BRAF: variants seen among roughly 807,000 people sequenced by gnomAD.
BRAF encodes the protein serine/threonine-protein kinase B-raf.
Under a neutral mutation model 104.6 loss-of-function variants are expected in BRAF, and 16 were observed. The ratio of observed to expected loss-of-function variants is 0.15; its 90% confidence interval spans 0.10 to 0.23. BRAF has a LOEUF of 0.23. Among genes scored for constraint, BRAF ranks in the 10% least tolerant of loss-of-function variants. The probability of loss-of-function intolerance (pLI) is 1.00; values close to 1 mark genes in which losing one functional copy is unlikely to be tolerated. For missense variants in BRAF, 541 were observed against 937.3 expected, an observed-to-expected ratio of 0.58 and a Z score of 5.52; for synonymous variants, 310 against 341.6, an observed-to-expected ratio of 0.91 and a Z score of 1.02.
At chr7:140,809,136 TAATA>T in intron 3 of BRAF, 141 bp from the exon 4 acceptor site, 1 of 657,240 alleles carries the variant, frequency 1.5e-6, no homozygotes, top group Non-Finnish European at 2.7e-6. Flanking sequence ...ACAGCTAACT[TAATA>T]CTAAAGGGAA....
In BRAF at chr7:140,719,364, GT is replaced by G; in HGVS notation, c.*7129del. ...CATGCAGTCAATCTTTATTATAGCA[GT>G]ATTCGCATATTCACATCAAGTACAT... On this transcript the variant is annotated 3_prime_UTR_variant, in exon 20 of 20. Transcript: ENST00000644969. The G allele has an allele frequency of 2.0e-6, 2 of 999,632 alleles. No homozygotes were observed. The highest frequency in any genetic ancestry group is 1.3e-4 in the East Asian group (2 of 15,234). The allele number at this position is 999,632 out of a possible 1,614,324, so 61.9% of individuals were successfully genotyped here.
At chr7:140,796,160 G>C (rs1802469249) in intron 7 of BRAF, among the ~76,000 whole-genome samples, 1 of 151,970 alleles carries the variant, frequency 6.6e-6, no homozygotes, top group Non-Finnish European at 1.5e-5. Context: ...AGACCAGCCT[G>C]GCCAACATAG....
chr7:140,751,547 G>A (rs544969496), intron 16 of BRAF, among the ~76,000 whole-genome samples: 28 of 151,920 alleles, frequency 1.8e-4, no homozygotes, highest in Middle Eastern at 3.4e-3. Context: ...TCCAGTCACC[G>A]AATCTTAGAA....
chr7:140,797,692 A>G (rs1802631796), intron 7 of BRAF, among the ~76,000 whole-genome samples: 1 of 152,332 alleles, frequency 6.6e-6, no homozygotes, highest in African/African-American at 2.4e-5. Flanking sequence ...AATGTCCTGG[A>G]TCATTACCAT....
chr7:140,777,960 C>T (rs2129019400), intron 13 of BRAF, 31 bp downstream of exon 12: 2 of 1,604,228 alleles, frequency 1.2e-6, no homozygotes, highest in South Asian at 1.1e-5. Context: ...TAACTTCTTT[C>T]TCTGGAAAAG....
intron 14 of BRAF, among the ~76,000 whole-genome samples, chr7:140,761,897 T>C (rs1015158469): frequency 6.6e-6 from 1 of 152,142 alleles, no homozygotes; most frequent in Non-Finnish European, 1.5e-5. Flanking sequence ...AGCAAGTCCT[T>C]AGTGACCTAC....
intron 3 of BRAF, among the ~76,000 whole-genome samples, chr7:140,818,818 A>G (rs1805165993): frequency 6.6e-6 from 1 of 152,176 alleles, no homozygotes; most frequent in Non-Finnish European, 1.5e-5. Context: ...TGATATTACA[A>G]TCCTTTGACT....
chr7:140,794,249 C>T, intron 8 of BRAF, 59 bp downstream of exon 8: 6 of 1,582,160 alleles, frequency 3.8e-6, no homozygotes, highest in Middle Eastern at 2.1e-4. Context: ...ATAATTATAG[C>T]AGAAAAATAA....
chr7:140,845,563 A>G (rs556831460), intron 2 of BRAF, among the ~76,000 whole-genome samples: 43 of 152,214 alleles, frequency 2.8e-4, no homozygotes, highest in Non-Finnish European at 5.7e-4. Context: ...AAGATATACA[A>G]ATGGCCAATA....
intron 7 of BRAF, chr7:140,800,018 T>C (rs1802920726): frequency 2.5e-6 from 1 of 403,064 alleles, no homozygotes; most frequent in East Asian, 4.2e-5. Flanking sequence ...AATAAGTTAT[T>C]TGGGGAAAAG....
chr7:140,759,627 C>G (rs1443364674), intron 14 of BRAF, among the ~76,000 whole-genome samples: 2 of 152,238 alleles, frequency 1.3e-5, no homozygotes, highest in African/African-American at 4.8e-5. Flanking sequence ...CTCAAGTGAT[C>G]CATCTGCCTT....
intron 17 of BRAF, chr7:140,741,443 C>A (rs528523803): frequency 6.6e-6 from 1 of 152,164 alleles, no homozygotes; most frequent in Non-Finnish European, 1.5e-5. Context: ...TACCTGAAAC[C>A]CAGATGATCA....
chr7:140,806,675 ATTC>A (rs1803687527), intron 5 of BRAF, among the ~76,000 whole-genome samples: 2 of 152,320 alleles, frequency 1.3e-5, no homozygotes, highest in African/African-American at 2.4e-5. Context: ...CTGTATTTGT[ATTC>A]TTAAGAACTT....
rs1414506644 is a variant in BRAF, at chr7:140,724,626, T to C, written c.*1868A>G. The C allele has an allele frequency of 1.9e-6, 2 of 1,036,816 alleles. No homozygotes were observed. Among genetic ancestry groups the C allele is most frequent in the East Asian group, 5.9e-5 (1 of 16,872 alleles). 64.2% of individuals were successfully genotyped at this position (1,036,816 alleles called of 1,614,324 possible). A position where few individuals can be genotyped will look rare whatever the true frequency, so the allele number is the denominator to read the frequency against. ...CAATAGGCTTTCTTCTGAATACATG[T>C]ATGTTAGCAAAAATCTAATGGTAGT... is the stretch of plus-strand genomic sequence containing the variant. On this transcript the variant is annotated 3_prime_UTR_variant, in exon 20 of 20. Coordinates refer to ENST00000644969, the MANE Select transcript of BRAF (RefSeq NM_001374258.1).
At chr7:140,870,920 T>C (rs1811510800) in intron 1 of BRAF, among the ~76,000 whole-genome samples, 1 of 143,884 alleles carries the variant, frequency 7.0e-6, no homozygotes, top group Non-Finnish European at 1.5e-5. Context: ...TAGATGCAAA[T>C]CACATGTTCA....
chr7:140,726,034 C>CA lies in BRAF; in HGVS notation c.*459dup. On this transcript the variant is annotated 3_prime_UTR_variant, in exon 20 of 20. Transcript: ENST00000644969. ...TGGTGGTCACTAGGGGAAAGAGCTC[C>CA]AAAACAAAATTCCAGAACAGGAAAG... The CA allele has an allele frequency of 9.3e-7, 1 of 1,070,736 alleles. No homozygotes were observed. Among genetic ancestry groups the CA allele is most frequent in the Non-Finnish European group, 1.1e-6 (1 of 883,200 alleles). 66.3% of individuals were successfully genotyped at this position (1,070,736 alleles called of 1,614,324 possible). A position where few individuals can be genotyped will look rare whatever the true frequency, so the allele number is the denominator to read the frequency against.
chr7:140,763,185 C>T (rs1363461524), intron 14 of BRAF, among the ~76,000 whole-genome samples: 18 of 152,050 alleles, frequency 1.2e-4, no homozygotes, highest in African/African-American at 2.4e-4. Context: ...TAGGGGCGGC[C>T]GGGGAGAGGC....
At chr7:140,831,642 G>A (rs570043747) in intron 3 of BRAF, among the ~76,000 whole-genome samples, 33 of 152,248 alleles carry the variant, frequency 2.2e-4, no homozygotes, top group African/African-American at 7.9e-4. Context: ...GGCTATACTG[G>A]GGACTCAGGA....
chr7:140,865,393 T>G (rs976615361), intron 1 of BRAF, among the ~76,000 whole-genome samples: 3 of 152,166 alleles, frequency 2.0e-5, no homozygotes, highest in African/African-American at 7.2e-5. Context: ...AAACGCATTT[T>G]TAATTGGGAA....
Sources: allele counts gnomAD v4.1 joint callset (sites outside exome capture counted in the v4.1 genomes callset), GRCh38; gene constraint gnomAD v4.1.1; transcripts MANE v1.5; gene names NCBI Gene and HGNC (gene_info 2026-07-23, HGNC 2026-07-21).